Variants in DENND2C observed in about 807,000 individuals in gnomAD.
The protein encoded by DENND2C is DENN domain containing 2C.
Under a neutral mutation model 112.4 loss-of-function variants are expected in DENND2C, and 72 were observed. The ratio of observed to expected loss-of-function variants is 0.64; its 90% CI spans 0.53 to 0.78. DENND2C has a LOEUF of 0.78. Among genes scored for constraint, DENND2C ranks in the 30% least tolerant of loss-of-function variants. DENND2C has a pLI of 0.00. For missense variants in DENND2C, 992 were observed against 1,113.8 expected, an observed-to-expected ratio of 0.89 and a Z score of 1.56; for synonymous variants, 329 against 381.6, an observed-to-expected ratio of 0.86 and a Z score of 1.61.
Position 114,625,486 on chromosome 1 carries a change from C to G in DENND2C, c.499G>C (p.Glu167Gln), listed in dbSNP as rs776585212. Residue 167 changes from glutamate to glutamine, a missense_variant, in exon 4 of 21, where the codon GAA becomes CAA. By Grantham distance (29) the Glu-to-Gln change is conservative. Transcript: ENST00000393274. ...PPDKLLNLAL[E>Q]HCDSSEKELN... ...TCTTTTTCTGAAGAGTCACAATGTT[C>G]TAAAGCCAAATTTAAGAGTTTATCT... The G allele has an allele frequency of 9.3e-6, 15 of 1,614,006 alleles. No individual in the cohort carries two copies. The highest frequency in any genetic ancestry group is 1.3e-5 in the Non-Finnish European group (15 of 1,180,020).
chr1:114,601,414 G>A (rs61811019), intron 13 of DENND2C, 94 bp downstream of exon 13: 71,409 of 1,265,414 alleles, frequency 0.056, 2,431 homozygotes, highest in Non-Finnish European at 0.07. Flanking sequence ...TACTAATAGG[G>A]AACCTTTCTG....
At chr1:114,659,226 C>T (rs569439311) in intron 1 of DENND2C, among the ~76,000 whole-genome samples, 5 of 152,276 alleles carry the variant, frequency 3.3e-5, no homozygotes, top group African/African-American at 1.2e-4. Flanking sequence ...AGTGGCCAGG[C>T]GCGGTGACTC....
Position 114,605,895 on chromosome 1 carries a change from T to C in DENND2C, c.1558-864A>G, listed in dbSNP as rs188470621. 1.1e-3 allele frequency among the ~76,000 whole-genome samples: 163 copies of C among 152,350 alleles called. 1 individual carries two copies. The highest frequency in any genetic ancestry group is 3.7e-3 in the African/African-American group (153 of 41,582). On this transcript the variant is annotated intron_variant, in intron 10 of 20. Transcript: ENST00000393274. ...TACCTAATTGCTGGTTTGGAACTTC[T>C]TGTAAAATTTTAGCATAGAAGATCC...
chr1:114,664,190 T>C lies in DENND2C; in HGVS notation c.-574+5793A>G, dbSNP rs572233328. ...CCTGGGCTCAAGTGATCTTCCCATC[T>C]TGGCCTCCCAACGTGCTGATTATAG... On this transcript the variant is annotated intron_variant, in intron 1 of 20. Transcript: ENST00000393274. 5.3e-5 allele frequency among the ~76,000 whole-genome samples: 8 copies of C among 152,268 alleles called. No individual in the cohort carries two copies. In the East Asian group the frequency reaches 9.7e-4, roughly 18 times the overall value.
chr1:114,618,901 A>G (rs1656078907), intron 7 of DENND2C, among the ~76,000 whole-genome samples: 1 of 152,220 alleles, frequency 6.6e-6, no homozygotes, highest in Admixed American at 6.5e-5. Flanking sequence ...GCTCCCAGAA[A>G]TTCTTCCCAA....
At position 114,639,643 on chromosome 1, in the gene DENND2C, A is replaced by AT. The variant is rs537928341; in HGVS notation, c.-205+5804dup. Reference sequence around the variant, plus strand: ...TATATTTATCAGCTCTTAATTTTCTATTTGGTTCTTTTTTTCTTCATATTC... The same window carrying AT: ...TATATTTATCAGCTCTTAATTTTCTATTTTGGTTCTTTTTTTCTTCATATTC... On this transcript the variant is annotated intron_variant, in intron 3 of 20. Coordinates refer to ENST00000393274, the MANE Select transcript of DENND2C (RefSeq NM_001256404.2). Among the ~76,000 whole-genome samples the AT allele has an allele frequency of 2.1e-3, 308 of 148,184 alleles. 2 individuals are homozygous for AT. Among genetic ancestry groups the AT allele is most frequent in the African/African-American group, 7.0e-3 (285 of 40,448 alleles).
chr1:114,587,822 C>T lies in DENND2C; in HGVS notation c.2562G>A (p.Lys854=), dbSNP rs1037855563. The T allele has an allele frequency of 6.2e-7, 1 of 1,614,120 alleles. No individual in the cohort carries two copies. Among genetic ancestry groups the T allele is most frequent in the Non-Finnish European group, 8.5e-7 (1 of 1,180,018 alleles). ...ERVFQREPFR[K]SHTSRSVRHF... ...GGCGTACACTTCGGGAGGTGTGGGA[C>T]TTACGGAATGGTTCCCTTTGGAAAA... Residue 854 remains lysine, a synonymous_variant, in exon 19 of 21, where the codon AAG becomes AAA. Coordinates refer to ENST00000393274, the MANE Select transcript of DENND2C (RefSeq NM_001256404.2).
intron 11 of DENND2C, among the ~76,000 whole-genome samples, chr1:114,603,450 A>G (rs892561294): frequency 1.3e-5 from 2 of 150,762 alleles, no homozygotes; most frequent in African/African-American, 4.9e-5. Flanking sequence ...TTTTTTTTTT[A>G]AGAGACTGGG....
intron 16 of DENND2C, 110 bp from the exon 17 acceptor site, chr1:114,595,983 G>C (rs1355304183): frequency 2.1e-6 from 2 of 961,886 alleles, no homozygotes; most frequent in African/African-American, 3.3e-5. Context: ...CCATTTAAAA[G>C]TTAGCCAATC....
intron 3 of DENND2C, among the ~76,000 whole-genome samples, chr1:114,628,665 C>G (rs78684332): frequency 6.6e-6 from 1 of 152,178 alleles, no homozygotes; most frequent in Non-Finnish European, 1.5e-5. Flanking sequence ...ATGTGGCTTG[C>G]GTGTTCTCAC....
intron 3 of DENND2C, among the ~76,000 whole-genome samples, chr1:114,634,427 G>T (rs1656589957): frequency 6.6e-6 from 1 of 152,038 alleles, no homozygotes; most frequent in Non-Finnish European, 1.5e-5. Context: ...TCCGCCTCCT[G>T]GGTTCAAGCA....
At chr1:114,590,778 CAAAA>C (rs33970610) in intron 18 of DENND2C, among the ~76,000 whole-genome samples, 1 of 112,994 alleles carries the variant, frequency 8.9e-6, no homozygotes, top group Non-Finnish European at 1.8e-5. Flanking sequence ...GACTCCGTCT[CAAAA>C]AAAAAAAAAA....
At position 114,611,100 on chromosome 1, in the gene DENND2C, C is replaced by T. The variant is rs536238659; in HGVS notation, c.1342G>A (p.Glu448Lys). The change falls in exon 9 of 21, where the codon GAA (glutamate) becomes AAA (lysine). Residue 448 changes from glutamate to lysine, a missense_variant. Transcript: ENST00000393274. ...PPTKGETSGN[E>K]SDAEYLPKNR... ...TTTGGCAGATACTCGGCATCACTTT[C>T]GTTCCCACTGGTTTCACCTGAAAAG... 16 of 1,614,138 alleles carry T rather than the reference C, an allele frequency of 9.9e-6. No homozygotes were observed. Among genetic ancestry groups the T allele is most frequent in the South Asian group, 5.5e-5 (5 of 91,084 alleles).
chr1:114,635,044 A>AG (rs1656616304), intron 3 of DENND2C, among the ~76,000 whole-genome samples: 1 of 150,690 alleles, frequency 6.6e-6, no homozygotes, highest in African/African-American at 2.4e-5. Flanking sequence ...AAAAAAAAAA[A>AG]GAAAAAAAAG....
chr1:114,666,827 C>T (rs913199435), intron 1 of DENND2C, among the ~76,000 whole-genome samples: 1 of 152,126 alleles, frequency 6.6e-6, no homozygotes, highest in Admixed American at 6.5e-5. Flanking sequence ...TTAAAAGTAC[C>T]TTTAACACCA....
At chr1:114,616,732 G>C (rs915394001) in intron 8 of DENND2C, among the ~76,000 whole-genome samples, 4 of 152,100 alleles carry the variant, frequency 2.6e-5, no homozygotes, top group African/African-American at 9.7e-5. Flanking sequence ...GCAGGCACTT[G>C]TAATCCCAGC....
At position 114,584,461 on chromosome 1, in the gene DENND2C, G is replaced by C. The variant is rs1654988229; in HGVS notation, c.*1139C>G. 6.6e-6 allele frequency: 1 copy of C among 152,224 alleles called. No homozygotes were observed. Among genetic ancestry groups the C allele is most frequent in the Non-Finnish European group, 1.5e-5 (1 of 68,072 alleles). The allele number at this position is 152,224 out of a possible 1,614,324, so 9.4% of individuals were successfully genotyped here. ...TAATTTTTTGTGTGTATTTTTAGTAGAGACAGAGTTTCACCATGTTGCCAG... is the reference window on the plus strand; with the variant it reads ...TAATTTTTTGTGTGTATTTTTAGTACAGACAGAGTTTCACCATGTTGCCAG... On this transcript the variant is annotated 3_prime_UTR_variant, in exon 21 of 21. Coordinates refer to ENST00000393274, the MANE Select transcript of DENND2C (RefSeq NM_001256404.2).
chr1:114,605,358 C>G (rs771026726), intron 10 of DENND2C, among the ~76,000 whole-genome samples: 2 of 152,182 alleles, frequency 1.3e-5, no homozygotes, highest in African/African-American at 2.4e-5. Context: ...GATTCACACA[C>G]TAAATGGGAA....
chr1:114,590,709 G>A (rs532075922), intron 18 of DENND2C, among the ~76,000 whole-genome samples: 4 of 150,170 alleles, frequency 2.7e-5, no homozygotes, highest in African/African-American at 4.9e-5. Context: ...ACCCCGGAGG[G>A]TGGAGCCTGC....
Sources: gnomAD v4.1 joint callset for allele counts (sites outside exome capture counted in the v4.1 genomes callset) on GRCh38, gnomAD v4.1.1 for gene constraint, MANE v1.5 for transcripts, NCBI Gene and HGNC (gene_info 2026-07-23, HGNC 2026-07-21) for gene names.